Variants in SYNE1 observed in about 807,000 individuals in gnomAD.
SYNE1 encodes spectrin repeat containing nuclear envelope protein 1, also known as nesprin-1.
Under a neutral mutation model 1,111.0 loss-of-function variants are expected in SYNE1, and 616 were observed. The ratio of observed to expected loss-of-function variants is 0.55; its 90% confidence interval spans 0.52 to 0.59. The LOEUF (loss-of-function observed/expected upper bound fraction) is 0.59, where lower values mean the gene tolerates loss of function less well. SYNE1 is among the 20% of genes least tolerant of loss of function. The probability of loss-of-function intolerance (pLI) is 0.00; values close to 1 mark genes in which losing one functional copy is unlikely to be tolerated. For missense variants in SYNE1, 10,006 were observed against 10,417.0 expected, an observed-to-expected ratio of 0.96 and a Z score of 1.72; for synonymous variants, 3,855 against 3,825.8, an observed-to-expected ratio of 1.01 and a Z score of -0.28.
chr6:152,460,281 T>C lies in SYNE1; in HGVS notation c.2394+1316A>G, dbSNP rs1341550586. ...CAGCTTTTACTAGTAGCCAATATTA[T>C]CATTATTGCCCACAACCTTTAAATT... On this transcript the variant is annotated intron_variant, in intron 21 of 145. Coordinates refer to ENST00000367255, the MANE Select transcript of SYNE1 (RefSeq NM_182961.4). Among the ~76,000 whole-genome samples the C allele has an allele frequency of 2.6e-5, 4 of 152,316 alleles. No individual in the cohort carries two copies. The South Asian group carries it at 8.3e-4, about 32-fold the overall frequency.
chr6:152,287,862 A>G (rs1361614839), intron 95 of SYNE1, among the ~76,000 whole-genome samples: 8 of 152,174 alleles, frequency 5.3e-5, no homozygotes, highest in African/African-American at 1.9e-4. Context: ...TATACTTTAG[A>G]ATTAGCTTGT....
intron 62 of SYNE1, among the ~76,000 whole-genome samples, chr6:152,366,388 G>A (rs565522628): frequency 5.3e-5 from 8 of 151,756 alleles, no homozygotes; most frequent in South Asian, 4.2e-4. Flanking sequence ...ATAGCAGGGC[G>A]CAGTGGCTCA....
intron 14 of SYNE1, among the ~76,000 whole-genome samples, chr6:152,478,241 A>T: frequency 6.6e-6 from 1 of 152,302 alleles, no homozygotes; most frequent in East Asian, 1.9e-4. Flanking sequence ...GAGAGAAGAG[A>T]ATTTAGAAAG....
intron 59 of SYNE1, 37 bp from the exon 60 acceptor site, chr6:152,369,651 A>G: frequency 6.2e-7 from 1 of 1,612,870 alleles, no homozygotes; most frequent in Non-Finnish European, 8.5e-7. Flanking sequence ...ACAAGAAAAT[A>G]TTTTAATAGC....
intron 5 of SYNE1, 95 bp downstream of exon 5, chr6:152,525,985 A>T (rs1034523131): frequency 2.7e-6 from 3 of 1,125,242 alleles, no homozygotes; most frequent in African/African-American, 3.1e-5. Context: ...ACTTTCTTTT[A>T]CCTGGGCAGC....
At chr6:152,460,164 G>A (rs1232925504) in intron 21 of SYNE1, among the ~76,000 whole-genome samples, 1 of 152,158 alleles carries the variant, frequency 6.6e-6, no homozygotes, top group East Asian at 1.9e-4. Context: ...GCATGGCTCA[G>A]GCTAAGATGT....
chr6:152,359,364 T>A lies in SYNE1; in HGVS notation c.10394A>T (p.Glu3465Val), dbSNP rs757277164. ...GMTEHYVTQL[E>V]LQDLQERYRA... ...GTATCGTTCCTGTAGATCCTGGAGT[T>A]CTAGCTGGGTGACATAGTGTTCTGT... Residue 3465 changes from glutamate to valine, a missense_variant, in exon 65 of 146, where the codon GAA becomes GTA. Glu to Val is a moderately radical substitution (Grantham distance 121, BLOSUM62 -2). Coordinates refer to ENST00000367255, the MANE Select transcript of SYNE1 (RefSeq NM_182961.4). 2 of 1,614,190 alleles carry A rather than the reference T, an allele frequency of 1.2e-6. No individual in the cohort carries two copies. Among genetic ancestry groups the A allele is most frequent in the East Asian group, 4.5e-5 (2 of 44,868 alleles).
At chr6:152,269,324 A>C (rs575671830) in intron 98 of SYNE1, 38 bp from the exon 99 acceptor site, 2 of 1,613,418 alleles carry the variant, frequency 1.2e-6, no homozygotes, top group Non-Finnish European at 8.5e-7. Context: ...CATGCTACAC[A>C]CCGGAAAACC....
chr6:152,158,944 T>C (rs968986706), intron 131 of SYNE1, among the ~76,000 whole-genome samples: 4 of 152,224 alleles, frequency 2.6e-5, no homozygotes, highest in Non-Finnish European at 5.9e-5. Context: ...AGTTTTAGGC[T>C]CAGCTTCAAC....
chr6:152,350,018 T>C (rs2096714223), intron 72 of SYNE1, 150 bp downstream of exon 72: 1 of 1,034,368 alleles, frequency 9.7e-7, no homozygotes, highest in African/African-American at 1.6e-5. Flanking sequence ...GAAAACGGAC[T>C]AATACAGACC....
rs372823516 is a variant in SYNE1 at position 152,133,308 on chromosome 6, C to G, written c.25969G>C (p.Glu8657Gln). Residue 8657 changes from glutamate to glutamine, a missense_variant, in exon 143 of 146, where the codon GAG becomes CAG. Around this residue, in one of 7 missense-constraint regions of SYNE1, gnomAD observed 761 missense variants for 795.5 expected, o/e 0.96. Transcript: ENST00000367255. ...CTACTTGACACGTCTAATAACTTCTCCAGTTCCTTGATATGACGACTGACC... is the reference window on the plus strand; with the variant it reads ...CTACTTGACACGTCTAATAACTTCTGCAGTTCCTTGATATGACGACTGACC... The part of the protein sequence containing the change: ...KEVSRHIKEL[E>Q]KLLDVSSSQQ... 2 of 1,614,072 alleles carry G rather than the reference C, an allele frequency of 1.2e-6. No homozygotes were observed. The highest frequency in any genetic ancestry group is 2.2e-5 in the East Asian group (1 of 44,892).
chr6:152,536,215 C>T (rs960831285), intron 4 of SYNE1, among the ~76,000 whole-genome samples: 13 of 150,712 alleles, frequency 8.6e-5, no homozygotes, highest in African/African-American at 2.9e-4. Context: ...TCTTTTTCAG[C>T]CTCTCCCTCT....
chr6:152,262,452 T>C (rs1378413621), intron 100 of SYNE1, among the ~76,000 whole-genome samples: 1 of 152,218 alleles, frequency 6.6e-6, no homozygotes, highest in Non-Finnish European at 1.5e-5. Flanking sequence ...TAAAAAATTA[T>C]AGCACGATTA....
chr6:152,179,157 T>C (rs2067233566), intron 129 of SYNE1, among the ~76,000 whole-genome samples: 1 of 152,138 alleles, frequency 6.6e-6, no homozygotes, highest in Non-Finnish European at 1.5e-5. Flanking sequence ...TCTGGTGATC[T>C]GCCTGTCTCA....
Position 152,359,384 on chromosome 6 carries a change from T to C in SYNE1, c.10374A>G (p.Glu3458=), listed in dbSNP as rs780427872. ...TIEVKGAGMT[E]HYVTQLELQD... is the part of the protein sequence containing the mutation. The stretch of plus-strand genomic sequence containing the variant: ...GGAGTTCTAGCTGGGTGACATAGTG[T>C]TCTGTCATGCCAGCCCCTTTGACTT... Residue 3458 remains glutamate, a synonymous_variant, in exon 65 of 146, where the codon GAA becomes GAG. Transcript: ENST00000367255. 1 of 1,614,192 alleles carries C rather than the reference T, an allele frequency of 6.2e-7. No homozygotes were observed. The highest frequency in any genetic ancestry group is 1.7e-5 in the Admixed American group (1 of 60,024).
At chr6:152,623,981 C>CA (rs969665839) in intron 3 of SYNE1, among the ~76,000 whole-genome samples, 11 of 151,868 alleles carry the variant, frequency 7.2e-5, no homozygotes, top group Non-Finnish European at 1.2e-4. Flanking sequence ...ATACTTAAAA[C>CA]AAAAAAGGTT....
chr6:152,491,888 C>T (rs2154305754), intron 11 of SYNE1, among the ~76,000 whole-genome samples: 1 of 152,186 alleles, frequency 6.6e-6, no homozygotes, highest in East Asian at 1.9e-4. Context: ...CCTAATTCTT[C>T]CTCAGCCTCC....
chr6:152,563,565 A>G (rs1412325467), intron 3 of SYNE1, among the ~76,000 whole-genome samples: 2 of 152,158 alleles, frequency 1.3e-5, no homozygotes, highest in Non-Finnish European at 2.9e-5. Context: ...ATCACATTGC[A>G]CACCTTGAAA....
Position 152,499,501 on chromosome 6 carries a change from A to G in SYNE1, c.889-709T>C, listed in dbSNP as rs147354502. The stretch of plus-strand genomic sequence containing the variant: ...ACACACAAAAATGAAAGCCTGGTAG[A>G]TATGTTCATGCCAAGAATTTTTAAA... On this transcript the variant is annotated intron_variant, in intron 10 of 145. Transcript: ENST00000367255. Among the ~76,000 whole-genome samples the G allele has an allele frequency of 3.1e-3, 467 of 152,242 alleles. 5 individuals carry two copies. Among genetic ancestry groups the G allele is most frequent in the African/African-American group, 9.8e-3 (407 of 41,570 alleles).
Sources: allele counts gnomAD v4.1 joint callset (sites outside exome capture counted in the v4.1 genomes callset), GRCh38; gene constraint gnomAD v4.1.1; regional missense constraint gnomAD v4.1.1; transcripts MANE v1.5; gene names NCBI Gene and HGNC (gene_info 2026-07-23, HGNC 2026-07-21).